XKR6: variants seen among roughly 807,000 people sequenced by gnomAD.
XKR6 encodes the protein XK related 6.
In XKR6, 22 loss-of-function variants were observed where a neutral mutation model predicts 56.7. That is an observed-to-expected ratio of 0.39 (90% CI 0.28 to 0.55). The LOEUF (loss-of-function observed/expected upper bound fraction) is 0.55. XKR6 is among the 20% of genes least tolerant of loss of function. XKR6 has a pLI of 0.66. For missense variants in XKR6, 852 were observed against 889.0 expected (o/e 0.96, Z 0.53); for synonymous variants, 524 against 387.8 (o/e 1.35, Z -4.13).
At chr8:11,123,515 A>C (rs1799580774) in intron 1 of XKR6, 1 of 231,330 alleles carries the variant, frequency 4.3e-6, no homozygotes, top group Non-Finnish European at 8.6e-6. Context: ...TACAATGTGA[A>C]GCCTGACAAA....
intron 1 of XKR6, among the ~76,000 whole-genome samples, chr8:11,013,277 C>T (rs561032693): frequency 3.9e-4 from 59 of 152,126 alleles, no homozygotes; most frequent in Non-Finnish European, 2.8e-4. Flanking sequence ...AGGAGGCTGA[C>T]CTTCACCACC....
chr8:10,978,270 C>T lies in XKR6; in HGVS notation c.765-53440G>A, dbSNP rs144109747. On this transcript the variant is annotated intron_variant, in intron 1 of 2. Coordinates refer to ENST00000416569, the MANE Select transcript of XKR6 (RefSeq NM_173683.4). ...GACTTTCAAGGATAGTTCATAACTA[C>T]ACCATGCAATTTATTGGTATTTAAT... Among the ~76,000 whole-genome samples, 43 of 152,356 alleles carry T rather than the reference C, an allele frequency of 2.8e-4. No individual in the cohort carries two copies. In the East Asian group the frequency reaches 8.1e-3, roughly 29 times the overall value.
intron 1 of XKR6, among the ~76,000 whole-genome samples, chr8:11,077,868 C>A (rs141015759): frequency 2.0e-3 from 311 of 152,232 alleles, no homozygotes; most frequent in African/African-American, 7.0e-3. Flanking sequence ...ATCATCAGAC[C>A]GGGGACCCAG....
chr8:11,009,823 A>T (rs911995219), intron 1 of XKR6, among the ~76,000 whole-genome samples: 1 of 152,256 alleles, frequency 6.6e-6, no homozygotes, highest in Non-Finnish European at 1.5e-5. Flanking sequence ...TACTTCATTA[A>T]TCATTGACAA....
At chr8:10,985,820 G>A (rs1453804267) in intron 1 of XKR6, among the ~76,000 whole-genome samples, 1 of 152,122 alleles carries the variant, frequency 6.6e-6, no homozygotes. Flanking sequence ...TGCTCAGGCT[G>A]GTCTTGAACT....
At chr8:11,007,852 A>G (rs1043659834) in intron 1 of XKR6, among the ~76,000 whole-genome samples, 15 of 151,670 alleles carry the variant, frequency 9.9e-5, no homozygotes, top group African/African-American at 3.6e-4. Context: ...TAGCGGTAGG[A>G]GAGGTAAAAT....
intron 1 of XKR6, among the ~76,000 whole-genome samples, chr8:10,953,759 C>T (rs1486589752): frequency 1.3e-5 from 2 of 152,164 alleles, no homozygotes; most frequent in African/African-American, 4.8e-5. Context: ...ACCATCTAGT[C>T]CCAGAACATT....
intron 1 of XKR6, among the ~76,000 whole-genome samples, chr8:11,183,835 T>C (rs1803123691): frequency 6.6e-6 from 1 of 152,200 alleles, no homozygotes; most frequent in African/African-American, 2.4e-5. Context: ...AATAAGGGTT[T>C]AAACACAGCA....
chr8:11,160,924 A>AAG (rs1554475334), intron 1 of XKR6, among the ~76,000 whole-genome samples: 1 of 151,308 alleles, frequency 6.6e-6, no homozygotes, highest in African/African-American at 2.4e-5. Context: ...AAAAAAAAAA[A>AAG]AAAAAAAGAA....
chr8:11,115,106 T>C (rs946731561), intron 1 of XKR6, among the ~76,000 whole-genome samples: 1 of 152,128 alleles, frequency 6.6e-6, no homozygotes, highest in African/African-American at 2.4e-5. Context: ...GAGGGCAGTA[T>C]GTATTAAGTG....
chr8:10,988,283 C>G (rs1373847718), intron 1 of XKR6, among the ~76,000 whole-genome samples: 1 of 152,220 alleles, frequency 6.6e-6, no homozygotes, highest in Non-Finnish European at 1.5e-5. Context: ...CCTGCACCTA[C>G]CACAGCATGT....
At chr8:10,939,843 T>G (rs1034258188) in intron 1 of XKR6, among the ~76,000 whole-genome samples, 2 of 152,064 alleles carry the variant, frequency 1.3e-5, no homozygotes, top group African/African-American at 4.8e-5. Context: ...GCCTAGGAGG[T>G]TGTCAGGCGT....
At chr8:11,081,366 A>G (rs1335667898) in intron 1 of XKR6, among the ~76,000 whole-genome samples, 3 of 152,248 alleles carry the variant, frequency 2.0e-5, no homozygotes, top group Admixed American at 2.0e-4. Flanking sequence ...CAAATAGGTT[A>G]TCCCTTGATT....
intron 1 of XKR6, among the ~76,000 whole-genome samples, chr8:11,190,214 AAGAAAGAAAG>A (rs2117124046): frequency 6.9e-6 from 1 of 145,494 alleles, no homozygotes; most frequent in South Asian, 2.1e-4. Context: ...AAAAGAAAGA[AAGAAAGAAAG>A]AGAAAAGAAA....
At chr8:11,192,064 C>T (rs1207567625) in intron 1 of XKR6, among the ~76,000 whole-genome samples, 1 of 152,082 alleles carries the variant, frequency 6.6e-6, no homozygotes, top group African/African-American at 2.4e-5. Flanking sequence ...GCGACTCACG[C>T]CTATAATCCT....
chr8:11,081,886 T>C (rs115432470), intron 1 of XKR6, among the ~76,000 whole-genome samples: 20 of 152,250 alleles, frequency 1.3e-4, no homozygotes, highest in African/African-American at 4.8e-4. Flanking sequence ...CAAAGGAAAA[T>C]GGTCCTTGCC....
chr8:11,194,597 G>T (rs746063242), intron 1 of XKR6: 1 of 152,328 alleles, frequency 6.6e-6, no homozygotes, highest in African/African-American at 2.4e-5. Flanking sequence ...CAGACAGCAC[G>T]TTGTAAAGCA....
At chr8:10,938,835 T>G (rs546954641) in intron 1 of XKR6, among the ~76,000 whole-genome samples, 7 of 152,182 alleles carry the variant, frequency 4.6e-5, no homozygotes, top group Admixed American at 1.3e-4. Context: ...TACAAGTCAA[T>G]TTTACTCTAT....
chr8:10,919,092 A>C (rs185840721), intron 2 of XKR6, among the ~76,000 whole-genome samples: 1 of 152,104 alleles, frequency 6.6e-6, no homozygotes, highest in Non-Finnish European at 1.5e-5. Context: ...TGCTTTTCCC[A>C]ATTGGGGCCC....
Sources: gnomAD v4.1 joint callset for allele counts (sites outside exome capture counted in the v4.1 genomes callset) on GRCh38, gnomAD v4.1.1 for gene constraint, MANE v1.5 for transcripts, NCBI Gene and HGNC (gene_info 2026-07-23, HGNC 2026-07-21) for gene names.